The following NFIA variants were observed in gnomAD, a reference collection of about 807,000 sequenced individuals.
The protein encoded by NFIA is nuclear factor 1 A-type.
In NFIA, 8 loss-of-function variants were observed where a neutral mutation model predicts 62.8. That is an observed-to-expected ratio of 0.13 (90% CI 0.07 to 0.23). The LOEUF (loss-of-function observed/expected upper bound fraction) is 0.23, where lower values mean the gene tolerates loss of function less well. NFIA is among the 10% of genes least tolerant of loss of function. The pLI, the probability that NFIA is intolerant of heterozygous loss-of-function variation, is 1.00. For synonymous variants in NFIA, 235 were observed against 238.1 expected, an observed-to-expected ratio of 0.99 and a Z score of 0.12; for missense variants, 410 against 642.1, an observed-to-expected ratio of 0.64 and a Z score of 3.91.
chr1:61,453,443 C>CTTTTTTTTTTTT (rs11336299), intron 10 of NFIA, among the ~76,000 whole-genome samples: 9 of 78,860 alleles, frequency 1.1e-4, no homozygotes, highest in African/African-American at 1.5e-4. Flanking sequence ...TGTGAAGAAA[C>CTTTTTTTTTTTT]TTTTTTTTTT....
chr1:61,402,475 A>G (rs1216044232), intron 7 of NFIA, among the ~76,000 whole-genome samples: 3 of 152,194 alleles, frequency 2.0e-5, no homozygotes, highest in Non-Finnish European at 2.9e-5. Context: ...TTCACTGCAC[A>G]TTCAACAAAT....
chr1:61,452,647 A>G (rs1668107353), intron 10 of NFIA, among the ~76,000 whole-genome samples: 1 of 152,186 alleles, frequency 6.6e-6, no homozygotes, highest in Non-Finnish European at 1.5e-5. Context: ...TCTGCAAATC[A>G]TTGCTAAAAT....
At chr1:61,344,584 T>G (rs1662113844) in intron 4 of NFIA, among the ~76,000 whole-genome samples, 2 of 152,244 alleles carry the variant, frequency 1.3e-5, no homozygotes, top group Non-Finnish European at 2.9e-5. Flanking sequence ...CTCTGAAATG[T>G]AAGCCCCACA....
At chr1:61,245,911 C>G (rs1439481896) in intron 2 of NFIA, among the ~76,000 whole-genome samples, 1 of 152,062 alleles carries the variant, frequency 6.6e-6, no homozygotes, top group East Asian at 1.9e-4. Context: ...CCACTCAATC[C>G]CTGGTTAATG....
intron 2 of NFIA, among the ~76,000 whole-genome samples, chr1:61,134,686 A>G (rs1403111448): frequency 1.3e-5 from 2 of 152,214 alleles, no homozygotes; most frequent in Non-Finnish European, 2.9e-5. Context: ...GTGTCGTAGA[A>G]TTAGCTATAA....
intron 6 of NFIA, among the ~76,000 whole-genome samples, chr1:61,380,540 G>A (rs1664365222): frequency 6.6e-6 from 1 of 152,066 alleles, no homozygotes; most frequent in African/African-American, 2.4e-5. Context: ...ATGTTTTCTA[G>A]CTTTTAACAG....
Position 61,140,965 on chromosome 1 carries a change from G to GTT in NFIA, c.559+52307_559+52308dup, listed in dbSNP as rs35173386. On this transcript the variant is annotated intron_variant, in intron 2 of 10. Coordinates refer to ENST00000403491, the MANE Select transcript of NFIA (RefSeq NM_001134673.4). ...TGGGCTGTGGTCTAACCACAGCTGG[G>GTT]TTTTTTTTTTTTTTTTTTTTTTTGC... is the stretch of plus-strand genomic sequence containing the variant. Among the ~76,000 whole-genome samples, 761 of 88,626 alleles carry GTT rather than the reference G, an allele frequency of 8.6e-3. 4 individuals are homozygous for GTT. Among genetic ancestry groups the GTT allele is most frequent in the East Asian group, 0.025 (77 of 3,044 alleles). The allele number at this position is 88,626 out of a possible 152,430, so 58.1% of individuals were successfully genotyped here. A position where few individuals can be genotyped will look rare whatever the true frequency, so the allele number is the denominator to read the frequency against.
chr1:61,406,808 G>C (rs1304982214), intron 9 of NFIA, 81 bp downstream of exon 9: 1 of 1,399,180 alleles, frequency 7.1e-7, no homozygotes, highest in Non-Finnish European at 9.5e-7. Flanking sequence ...GTCCCTCACT[G>C]TATAGGCTCT....
chr1:61,404,614 G>A (rs933306268), intron 8 of NFIA, among the ~76,000 whole-genome samples: 2 of 152,146 alleles, frequency 1.3e-5, no homozygotes, highest in Non-Finnish European at 2.9e-5. Flanking sequence ...TAACAAAATA[G>A]AAAGACCAAG....
intron 2 of NFIA, among the ~76,000 whole-genome samples, chr1:61,160,605 C>T (rs761554446): frequency 2.0e-5 from 3 of 152,134 alleles, no homozygotes; most frequent in African/African-American, 4.8e-5. Context: ...TGAACTTGGA[C>T]GGTTAAAACC....
intron 10 of NFIA, among the ~76,000 whole-genome samples, chr1:61,452,948 T>G (rs2499541): frequency 6.6e-6 from 1 of 151,882 alleles, no homozygotes; most frequent in Non-Finnish European, 1.5e-5. Context: ...GAAAAAGAGG[T>G]GGGGGGCTGA....
intron 10 of NFIA, among the ~76,000 whole-genome samples, chr1:61,454,269 C>T (rs1028234999): frequency 2.0e-5 from 3 of 152,152 alleles, no homozygotes; most frequent in Non-Finnish European, 2.9e-5. Context: ...AGAGAAAAGT[C>T]GGCAAAAGCC....
At chr1:61,441,342 T>C (rs1667573313) in intron 10 of NFIA, among the ~76,000 whole-genome samples, 1 of 151,748 alleles carries the variant, frequency 6.6e-6, no homozygotes, top group Non-Finnish European at 1.5e-5. Flanking sequence ...TGTCTGTCTG[T>C]CTGTCTGTCT....
intron 2 of NFIA, among the ~76,000 whole-genome samples, chr1:61,200,124 C>G (rs1249845925): frequency 7.1e-6 from 1 of 141,306 alleles, no homozygotes; most frequent in East Asian, 2.1e-4. Flanking sequence ...TCACCATTTG[C>G]AGTGATGACA....
chr1:61,387,987 C>T (rs1186584744), intron 7 of NFIA, among the ~76,000 whole-genome samples: 1 of 152,202 alleles, frequency 6.6e-6, no homozygotes, highest in African/African-American at 2.4e-5. Context: ...GTTCTAACCA[C>T]TTCCCTATTT....
At chr1:61,199,697 T>TA (rs915614154) in intron 2 of NFIA, among the ~76,000 whole-genome samples, 17 of 151,820 alleles carry the variant, frequency 1.1e-4, no homozygotes, top group African/African-American at 4.1e-4. Flanking sequence ...GGTGATGTAT[T>TA]AAAAAAAGGT....
intron 6 of NFIA, among the ~76,000 whole-genome samples, chr1:61,365,660 A>G (rs753976444): frequency 6.6e-6 from 1 of 152,230 alleles, no homozygotes; most frequent in African/African-American, 2.4e-5. Flanking sequence ...TGTATGCAGT[A>G]TACTAGAGTA....
chr1:61,301,533 G>T (rs1659496098), intron 3 of NFIA, among the ~76,000 whole-genome samples: 1 of 152,118 alleles, frequency 6.6e-6, no homozygotes, highest in East Asian at 1.9e-4. Context: ...AAACAAACAG[G>T]ATTGGCCTTA....
At chr1:61,077,842 TTTTC>T (rs972269908), upstream of NFIA, among the ~76,000 whole-genome samples, 4 of 151,412 alleles carry the variant, frequency 2.6e-5, no homozygotes, top group East Asian at 1.9e-4. Flanking sequence ...AGAGACCGGG[TTTTC>T]TTTTTCTTTT....
Sources: allele counts gnomAD v4.1 joint callset (sites outside exome capture counted in the v4.1 genomes callset), GRCh38; gene constraint gnomAD v4.1.1; transcripts MANE v1.5; gene names NCBI Gene and HGNC (gene_info 2026-07-23, HGNC 2026-07-21).